EPHA3: variants seen among roughly 807,000 people sequenced by gnomAD.
EPHA3 encodes the protein EPH receptor A3, also known as ephrin type-A receptor 3.
Under a neutral mutation model 107.1 loss-of-function variants are expected in EPHA3, and 42 were observed. The observed-to-expected ratio is 0.39, with a 90% CI of 0.31 to 0.51. The LOEUF is 0.51. EPHA3 is among the 20% of genes least tolerant of loss of function. EPHA3 has a pLI of 0.78. For synonymous variants in EPHA3, 461 were observed against 424.8 expected (o/e 1.09, Z -1.05); for missense variants, 1,183 against 1,211.2 (o/e 0.98, Z 0.35).
At chr3:89,369,284 A>G (rs1046710744) in intron 5 of EPHA3, among the ~76,000 whole-genome samples, 2 of 150,970 alleles carry the variant, frequency 1.3e-5, no homozygotes, top group Non-Finnish European at 3.0e-5. Context: ...ACAGCATGGT[A>G]CTGGTACCAA....
chr3:89,399,930 T>C, intron 7 of EPHA3: 1 of 1,054,390 alleles, frequency 9.5e-7, no homozygotes, highest in Non-Finnish European at 1.1e-6. Context: ...ATAAGGATTT[T>C]CTAAAATGTG....
chr3:89,315,117 G>C (rs967761464), intron 3 of EPHA3, among the ~76,000 whole-genome samples: 2 of 151,782 alleles, frequency 1.3e-5, no homozygotes, highest in Non-Finnish European at 2.9e-5. Context: ...CCACTGTCAT[G>C]CACGCTGTCC....
chr3:89,410,036 T>A (rs868406870), intron 9 of EPHA3, among the ~76,000 whole-genome samples: 2 of 151,962 alleles, frequency 1.3e-5, no homozygotes, highest in South Asian at 4.2e-4. Flanking sequence ...TAATTATTGG[T>A]GTGAAGGGAT....
chr3:89,426,491 G>A (rs1458491645), intron 11 of EPHA3, among the ~76,000 whole-genome samples: 3 of 151,784 alleles, frequency 2.0e-5, no homozygotes, highest in African/African-American at 2.4e-5. Flanking sequence ...CTTAACTGAT[G>A]TGTTTACAAA....
chr3:89,149,850 G>A (rs1409629921), intron 2 of EPHA3, among the ~76,000 whole-genome samples: 1 of 151,858 alleles, frequency 6.6e-6, no homozygotes, highest in Non-Finnish European at 1.5e-5. Context: ...ACAATGGAGG[G>A]GTGATTGATA....
chr3:89,263,060 T>A (rs1356072022), intron 3 of EPHA3, among the ~76,000 whole-genome samples: 1 of 148,296 alleles, frequency 6.7e-6, no homozygotes, highest in Non-Finnish European at 1.5e-5. Flanking sequence ...ACACGTGCCA[T>A]GGTGGTTTGC....
intron 5 of EPHA3, among the ~76,000 whole-genome samples, chr3:89,354,599 C>T (rs1437835253): frequency 6.6e-6 from 1 of 151,186 alleles, no homozygotes; most frequent in Non-Finnish European, 1.5e-5. Flanking sequence ...GGGGCCCTGA[C>T]ATTCTATACC....
At chr3:89,126,637 C>T (rs1425424826) in intron 1 of EPHA3, among the ~76,000 whole-genome samples, 2 of 151,370 alleles carry the variant, frequency 1.3e-5, no homozygotes, top group African/African-American at 4.8e-5. Context: ...TTGATTTCTC[C>T]TCAAATTGGT....
chr3:89,115,606 C>T (rs1231662631), intron 1 of EPHA3, among the ~76,000 whole-genome samples: 2 of 152,108 alleles, frequency 1.3e-5, no homozygotes, highest in African/African-American at 4.8e-5. Flanking sequence ...TCCTCAGTGC[C>T]GTGTTCAACA....
chr3:89,262,748 C>A (rs1199348462), intron 3 of EPHA3, among the ~76,000 whole-genome samples: 2 of 152,118 alleles, frequency 1.3e-5, no homozygotes, highest in East Asian at 1.9e-4. Context: ...GCACTGGAAC[C>A]GGCTGGCTGT....
In EPHA3 at chr3:89,221,473, G is replaced by T. The variant is rs547547132; in HGVS notation, c.814+10953G>T. Among the ~76,000 whole-genome samples, 3 of 152,230 alleles carry T rather than the reference G, an allele frequency of 2.0e-5. No homozygotes were observed. In the South Asian group the frequency reaches 6.2e-4, roughly 32 times the overall value. ...ATGCCTTCTAAATAGTAAACTCACT[G>T]TTTTATTTATTCTCTTTATGTACCC... On this transcript the variant is annotated intron_variant, in intron 3 of 16. Coordinates refer to ENST00000336596, the MANE Select transcript of EPHA3 (RefSeq NM_005233.6).
intron 5 of EPHA3, among the ~76,000 whole-genome samples, chr3:89,351,702 A>T (rs1707824564): frequency 6.6e-6 from 1 of 151,288 alleles, no homozygotes; most frequent in South Asian, 2.1e-4. Flanking sequence ...CATAGTCTCA[A>T]TATATTTATT....
intron 11 of EPHA3, among the ~76,000 whole-genome samples, chr3:89,419,764 T>G (rs1451872015): frequency 6.6e-6 from 1 of 151,452 alleles, no homozygotes; most frequent in Admixed American, 6.6e-5. Flanking sequence ...TTTCTTTTAT[T>G]GTTCATCAGT....
chr3:89,174,540 A>G (rs544307223), intron 2 of EPHA3, among the ~76,000 whole-genome samples: 140 of 152,152 alleles, frequency 9.2e-4, no homozygotes, highest in Admixed American at 3.5e-3. Context: ...AAAATTACAA[A>G]AAGATTGATT....
intron 3 of EPHA3, among the ~76,000 whole-genome samples, chr3:89,241,972 T>C (rs532152102): frequency 1.3e-5 from 2 of 152,084 alleles, no homozygotes; most frequent in Non-Finnish European, 2.9e-5. Context: ...GGAAGGTAAA[T>C]AAAATTATAC....
intron 5 of EPHA3, among the ~76,000 whole-genome samples, chr3:89,384,371 G>A (rs1229426173): frequency 6.6e-6 from 1 of 152,028 alleles, no homozygotes; most frequent in Non-Finnish European, 1.5e-5. Context: ...TTTTTCACTT[G>A]CAAATCTAAG....
chr3:89,281,851 A>T (rs1053627080), intron 3 of EPHA3, among the ~76,000 whole-genome samples: 4 of 152,194 alleles, frequency 2.6e-5, no homozygotes, highest in African/African-American at 9.7e-5. Context: ...TGCGCACTGT[A>T]AAAAAGCATA....
chr3:89,343,024 A>T (rs1364747437), intron 5 of EPHA3, among the ~76,000 whole-genome samples: 1 of 151,876 alleles, frequency 6.6e-6, no homozygotes, highest in Non-Finnish European at 1.5e-5. Flanking sequence ...TTGAGTATAA[A>T]CTCGGCTTCT....
intron 3 of EPHA3, among the ~76,000 whole-genome samples, chr3:89,245,833 G>T (rs1705019162): frequency 6.6e-6 from 1 of 152,180 alleles, no homozygotes; most frequent in Non-Finnish European, 1.5e-5. Flanking sequence ...AGGGAAGTGG[G>T]TCAAATTGTA....
Sources: allele counts gnomAD v4.1 joint callset (sites outside exome capture counted in the v4.1 genomes callset), GRCh38; gene constraint gnomAD v4.1.1; transcripts MANE v1.5; gene names NCBI Gene and HGNC (gene_info 2026-07-23, HGNC 2026-07-21).